Variants in MED13L observed in about 807,000 individuals in gnomAD.
MED13L encodes mediator complex subunit 13L.
In MED13L, 7 loss-of-function variants were observed where a neutral mutation model predicts 220.9. The observed-to-expected ratio is 0.03, with a 90% CI of 0.02 to 0.06. MED13L has a LOEUF of 0.06. MED13L is among the 10% of genes least tolerant of loss of function. The pLI is 1.00. For missense variants in MED13L, 1,965 were observed against 2,760.5 expected (o/e 0.71, Z 6.46); for synonymous variants, 1,011 against 1,015.2 (o/e 1.00, Z 0.08).
At chr12:115,972,911 C>A (rs1400674889) in intron 25 of MED13L, among the ~76,000 whole-genome samples, 1 of 152,124 alleles carries the variant, frequency 6.6e-6, no homozygotes, top group Non-Finnish European at 1.5e-5. Flanking sequence ...AGCACTTGGT[C>A]CCCTCTTCTG....
rs904701862 is a variant in MED13L, at chr12:116,277,678, T to G, written c.-547A>C. On this transcript the variant is annotated 5_prime_UTR_variant, in exon 1 of 31. Coordinates refer to ENST00000281928, the MANE Select transcript of MED13L (RefSeq NM_015335.5). ...GCTTCTCCTCCCTCCCCGGGCTCGC[T>G]TGCTCTGACAGCAATGGCGGCCGCC... 6.7e-6 allele frequency among the ~76,000 whole-genome samples: 1 copy of G among 149,206 alleles called. No individual in the cohort carries two copies. Among genetic ancestry groups the G allele is most frequent in the East Asian group, 2.0e-4 (1 of 5,040 alleles).
At chr12:116,012,096 A>G (rs1305051604) in intron 9 of MED13L, among the ~76,000 whole-genome samples, 2 of 152,228 alleles carry the variant, frequency 1.3e-5, no homozygotes, top group African/African-American at 4.8e-5. Flanking sequence ...AAAATAGCCC[A>G]GTCGTGGTGA....
At position 116,023,268 on chromosome 12, in the gene MED13L, C is replaced by A. The variant is rs556040614; in HGVS notation, c.480-667G>T. ...CTGTGATCAAGCCACTGCACTCCAC[C>A]ATGGACAACAGAGCAAGACCCCTGT... On this transcript the variant is annotated intron_variant, in intron 4 of 30. Coordinates refer to ENST00000281928, the MANE Select transcript of MED13L (RefSeq NM_015335.5). 8.0e-4 allele frequency among the ~76,000 whole-genome samples: 122 copies of A among 152,250 alleles called. 1 individual carries two copies. The highest frequency in any genetic ancestry group is 2.7e-3 in the African/African-American group (114 of 41,548).
chr12:115,998,235 A>C (rs1424762678), intron 14 of MED13L, among the ~76,000 whole-genome samples: 2 of 152,200 alleles, frequency 1.3e-5, no homozygotes, highest in Non-Finnish European at 2.9e-5. Flanking sequence ...TGTAGTTGTA[A>C]AATTTGGCCA....
At chr12:116,087,921 C>A (rs1488175403) in intron 4 of MED13L, among the ~76,000 whole-genome samples, 1 of 152,304 alleles carries the variant, frequency 6.6e-6, no homozygotes, top group East Asian at 1.9e-4. Flanking sequence ...TCAAGTTTTA[C>A]ATCCTAAAAT....
chr12:116,252,376 A>G (rs1871636351), intron 1 of MED13L, among the ~76,000 whole-genome samples: 1 of 151,986 alleles, frequency 6.6e-6, no homozygotes, highest in Admixed American at 6.6e-5. Flanking sequence ...CTTTGTCTCT[A>G]CTAAAAAAAA....
rs1878451199 is a variant in MED13L at position 115,997,049 on chromosome 12, C to T, written c.2751G>A (p.Val917=). The T allele has an allele frequency of 3.1e-6, 5 of 1,614,074 alleles. No homozygotes were observed. The highest frequency in any genetic ancestry group is 3.4e-6 in the Non-Finnish European group (4 of 1,179,974). ...GCTTGGGACTTCCTAATCCATCTTCCACTTCCATTTTGAATTCTGTGAGTT... is the reference window on the plus strand; with the variant it reads ...GCTTGGGACTTCCTAATCCATCTTCTACTTCCATTTTGAATTCTGTGAGTT... ...STQLTEFKME[V]EDGLGSPKPE... The change falls in exon 15 of 31, where the codon GTG becomes GTA. Residue 917 remains valine, a synonymous_variant. Coordinates refer to ENST00000281928, the MANE Select transcript of MED13L (RefSeq NM_015335.5).
chr12:116,117,101 G>C (rs903546328), intron 2 of MED13L, among the ~76,000 whole-genome samples: 2 of 151,636 alleles, frequency 1.3e-5, no homozygotes, highest in Non-Finnish European at 2.9e-5. Flanking sequence ...CTATACAATG[G>C]GCTACTACTC....
At chr12:116,039,747 A>G (rs920416462) in intron 4 of MED13L, among the ~76,000 whole-genome samples, 3 of 152,144 alleles carry the variant, frequency 2.0e-5, no homozygotes, top group African/African-American at 7.2e-5. Context: ...ATGAGGGGGT[A>G]GCAGTGGAGA....
intron 14 of MED13L, among the ~76,000 whole-genome samples, chr12:116,000,945 T>C (rs1341012660): frequency 6.7e-6 from 1 of 149,996 alleles, no homozygotes; most frequent in Non-Finnish European, 1.5e-5. Context: ...CAAAACTTCA[T>C]ACCAAAAAAA....
chr12:116,172,336 T>C (rs114447360), intron 2 of MED13L, among the ~76,000 whole-genome samples: 3 of 152,296 alleles, frequency 2.0e-5, no homozygotes, highest in African/African-American at 7.2e-5. Flanking sequence ...CAGCTAGCTA[T>C]ACTGAGAAAG....
Position 115,984,273 on chromosome 12 carries a change from C to T in MED13L, c.4438G>A (p.Val1480Met). ...CAAGGCTGGTTAAACCACTCACTCA[C>T]AAGCTCATCTGTCAGCTTCTGTGCC... ...TVAQKLTDELVSEWFNQPWSG... is the reference protein window; with the variant it reads ...TVAQKLTDELMSEWFNQPWSG... Residue 1480 changes from valine (V) to methionine (M), a missense_variant, in exon 20 of 31, where the codon GTG becomes ATG. This residue lies in a region of MED13L where 510 missense variants were observed against 620.4 expected (regional missense o/e 0.82). Transcript: ENST00000281928. The T allele has an allele frequency of 6.2e-7, 1 of 1,614,102 alleles. No homozygotes were observed. The highest frequency in any genetic ancestry group is 8.5e-7 in the Non-Finnish European group (1 of 1,179,990).
intron 13 of MED13L, among the ~76,000 whole-genome samples, chr12:116,005,319 G>A (rs1228516042): frequency 6.6e-6 from 1 of 152,112 alleles, no homozygotes; most frequent in African/African-American, 2.4e-5. Context: ...GATCTCCAAA[G>A]AATTATAATA....
intron 3 of MED13L, among the ~76,000 whole-genome samples, chr12:116,111,059 A>G (rs1874036461): frequency 6.6e-6 from 1 of 152,174 alleles, no homozygotes; most frequent in African/African-American, 2.4e-5. Context: ...TATCAATGTT[A>G]CATTTCCTAA....
intron 3 of MED13L, among the ~76,000 whole-genome samples, chr12:116,102,920 G>C (rs1262502708): frequency 6.6e-6 from 1 of 151,716 alleles, no homozygotes; most frequent in Non-Finnish European, 1.5e-5. Context: ...GTTTCACCAT[G>C]TTGGTCAGGC....
At chr12:116,123,657 C>T (rs992154804) in intron 2 of MED13L, among the ~76,000 whole-genome samples, 4 of 152,154 alleles carry the variant, frequency 2.6e-5, no homozygotes. Flanking sequence ...AAAGCTCAAA[C>T]AGTTGTCTGT....
At chr12:116,108,543 C>T (rs1440708567) in intron 3 of MED13L, among the ~76,000 whole-genome samples, 2 of 152,098 alleles carry the variant, frequency 1.3e-5, no homozygotes, top group African/African-American at 4.8e-5. Context: ...GCTTTCCTAT[C>T]TCATGAGCAG....
chr12:116,008,846 T>C lies in MED13L; in HGVS notation c.1567A>G (p.Arg523Gly). ...ACGGCCATTTGCTTATCATATTTCC[T>C]ACTGCTAGACACCTCTAAGGAGGAG... ...IDSSLEVSSS[R>G]KYDKQMAVPS... Residue 523 changes from arginine (R) to glycine (G), a missense_variant, in exon 10 of 31, where the codon AGG (arginine) becomes GGG (glycine). By Grantham distance (125) the Arg-to-Gly change is moderately radical. Around this residue, in one of 10 missense-constraint regions of MED13L, gnomAD observed 818 missense variants for 1,041.2 expected, o/e 0.79. Transcript: ENST00000281928. 1 of 1,614,122 alleles carries C rather than the reference T, an allele frequency of 6.2e-7. No individual in the cohort carries two copies. The highest frequency in any genetic ancestry group is 1.1e-5 in the South Asian group (1 of 91,090).
chr12:116,117,543 T>G (rs573987656), intron 2 of MED13L, among the ~76,000 whole-genome samples: 1 of 152,244 alleles, frequency 6.6e-6, no homozygotes, highest in South Asian at 2.1e-4. Context: ...AATATTGACC[T>G]CTTTATTTTC....
Sources: allele counts gnomAD v4.1 joint callset (sites outside exome capture counted in the v4.1 genomes callset), GRCh38; gene constraint gnomAD v4.1.1; regional missense constraint gnomAD v4.1.1; transcripts MANE v1.5; gene names NCBI Gene and HGNC (gene_info 2026-07-23, HGNC 2026-07-21).